Variants in SETBP1 observed in about 807,000 individuals in gnomAD.
The protein encoded by SETBP1 is SET binding protein 1.
SETBP1 carries 9 observed loss-of-function variants against 101.0 expected under a neutral mutation model. The observed-to-expected ratio is 0.09, with a 90% CI of 0.05 to 0.16. The LOEUF is 0.16. Ranked by LOEUF, SETBP1 falls within the 10% of genes least tolerant of loss-of-function variation. SETBP1 has a pLI of 1.00. For synonymous variants in SETBP1, 818 were observed against 788.5 expected (o/e 1.04, Z -0.63); for missense variants, 1,858 against 2,033.8 (o/e 0.91, Z 1.66).
Position 44,952,005 on chromosome 18 carries a change from C to A in SETBP1, c.2665C>A (p.Arg889=). Residue 889 remains arginine, a synonymous_variant, in exon 4 of 6, where the codon CGA becomes AGA. Transcript: ENST00000649279. ...CCAAGCGGAGAAGAGCTCAGAATCC[C>A]GAAGGAGGTACTCTTTTGATTTCTG... ...SDQAEKSSES[R]RRYSFDFCSL... The A allele has an allele frequency of 6.2e-7, 1 of 1,613,944 alleles. No homozygotes were observed. The highest frequency in any genetic ancestry group is 8.5e-7 in the Non-Finnish European group (1 of 1,180,004).
chr18:44,736,380 G>A (rs956299522), intron 2 of SETBP1, among the ~76,000 whole-genome samples: 13 of 152,176 alleles, frequency 8.5e-5, no homozygotes, highest in African/African-American at 3.1e-4. Context: ...GATCACGTCT[G>A]TTTACTTAAG....
At chr18:44,979,738 C>T (rs969403376) in intron 4 of SETBP1, among the ~76,000 whole-genome samples, 5 of 152,128 alleles carry the variant, frequency 3.3e-5, no homozygotes, top group Admixed American at 6.5e-5. Context: ...CTCAGAGAAA[C>T]GAAATATGGT....
intron 2 of SETBP1, among the ~76,000 whole-genome samples, chr18:44,772,176 A>G (rs1449707924): frequency 1.3e-5 from 2 of 151,794 alleles, no homozygotes; most frequent in Admixed American, 1.3e-4. Context: ...GGGCTTTTCC[A>G]AAGGTTGACT....
intron 3 of SETBP1, among the ~76,000 whole-genome samples, chr18:44,926,925 G>A (rs1255837013): frequency 1.3e-5 from 2 of 152,166 alleles, no homozygotes; most frequent in African/African-American, 4.8e-5. Flanking sequence ...ATTCAGCAAA[G>A]TGTATGGGCT....
At chr18:44,686,749 A>AACT (rs2068846902) in intron 1 of SETBP1, among the ~76,000 whole-genome samples, 2 of 152,222 alleles carry the variant, frequency 1.3e-5, no homozygotes, top group Non-Finnish European at 2.9e-5. Context: ...TGTGAATAAT[A>AACT]ACTACTTTAA....
chr18:45,040,349 CCAAA>C (rs1226925125), intron 5 of SETBP1, among the ~76,000 whole-genome samples: 1 of 152,114 alleles, frequency 6.6e-6, no homozygotes, highest in Non-Finnish European at 1.5e-5. Context: ...GGGAGGGTGT[CCAAA>C]CAAAGGGATC....
At position 45,044,556 on chromosome 18, in the gene SETBP1, G is replaced by C. The variant is rs894095124; in HGVS notation, c.4171+5901G>C. Among the ~76,000 whole-genome samples the C allele has an allele frequency of 3.9e-5, 6 of 152,238 alleles. No homozygotes were observed. The East Asian group carries it at 1.2e-3, about 29-fold the overall frequency. The stretch of plus-strand genomic sequence containing the variant: ...ATTTTCACTCTTAAAGGAGAAATAA[G>C]CTCTTTTCTGATTTAATCTGAACCT... On this transcript the variant is annotated intron_variant, in intron 5 of 5. Coordinates refer to ENST00000649279, the MANE Select transcript of SETBP1 (RefSeq NM_015559.3).
intron 4 of SETBP1, among the ~76,000 whole-genome samples, chr18:45,030,848 A>G (rs1430328570): frequency 2.2e-4 from 33 of 151,908 alleles, no homozygotes; most frequent in South Asian, 6.2e-4. Context: ...CTGTGGGATC[A>G]GTGGTGATAT....
chr18:44,742,752 C>T (rs1383221567), intron 2 of SETBP1, among the ~76,000 whole-genome samples: 1 of 152,162 alleles, frequency 6.6e-6, no homozygotes, highest in Non-Finnish European at 1.5e-5. Flanking sequence ...CTAAGTATGT[C>T]CCAGGGCCCT....
At chr18:44,885,778 G>A (rs185735134) in intron 3 of SETBP1, among the ~76,000 whole-genome samples, 153 of 145,486 alleles carry the variant, frequency 1.1e-3, no homozygotes, top group Non-Finnish European at 1.8e-3. Context: ...ACCCTGGATC[G>A]TGTGTAGACA....
chr18:45,038,953 A>G (rs1305746232), intron 5 of SETBP1, among the ~76,000 whole-genome samples: 2 of 152,222 alleles, frequency 1.3e-5, no homozygotes, highest in Non-Finnish European at 2.9e-5. Context: ...ATCAAGCCTT[A>G]GGAATTACTA....
At chr18:44,985,036 G>A (rs185415746) in intron 4 of SETBP1, among the ~76,000 whole-genome samples, 277 of 152,234 alleles carry the variant, frequency 1.8e-3, no homozygotes, top group African/African-American at 6.5e-3. Flanking sequence ...AGCTACTCGG[G>A]AGGCTGAAGC....
chr18:44,818,984 GTGTGTGTGTC>G (rs1226166941), intron 2 of SETBP1, among the ~76,000 whole-genome samples: 2 of 151,340 alleles, frequency 1.3e-5, no homozygotes, highest in Non-Finnish European at 1.5e-5. Context: ...GTGTGTGTGT[GTGTGTGTGTC>G]TGTGTGTGTG....
intron 3 of SETBP1, among the ~76,000 whole-genome samples, chr18:44,873,677 G>C (rs1490174758): frequency 2.0e-5 from 3 of 152,114 alleles, no homozygotes; most frequent in Non-Finnish European, 4.4e-5. Context: ...CCTCAGAGGA[G>C]AGCATCGTGG....
chr18:44,837,441 T>G (rs1264380861), intron 2 of SETBP1, among the ~76,000 whole-genome samples: 3 of 152,264 alleles, frequency 2.0e-5, no homozygotes, highest in Non-Finnish European at 4.4e-5. Flanking sequence ...TTAAATGCAT[T>G]AAAATAAATT....
At chr18:44,818,992 GTC>G (rs1491070096) in intron 2 of SETBP1, among the ~76,000 whole-genome samples, 1 of 151,162 alleles carries the variant, frequency 6.6e-6, no homozygotes. Context: ...GTGTGTGTGT[GTC>G]TGTGTGTGTG....
intron 3 of SETBP1, among the ~76,000 whole-genome samples, chr18:44,941,551 A>G (rs2071088827): frequency 6.6e-6 from 1 of 152,048 alleles, no homozygotes; most frequent in African/African-American, 2.4e-5. Context: ...ATATGTATAC[A>G]CTAATCTTTT....
intron 2 of SETBP1, among the ~76,000 whole-genome samples, chr18:44,844,347 A>AGG (rs1555689955): frequency 1.7e-5 from 2 of 117,392 alleles, no homozygotes; most frequent in Non-Finnish European, 3.7e-5. Flanking sequence ...ACGTGCACAC[A>AGG]CGCGCGCACA....
At chr18:44,915,681 A>C (rs1343719912) in intron 3 of SETBP1, among the ~76,000 whole-genome samples, 2 of 152,228 alleles carry the variant, frequency 1.3e-5, no homozygotes, top group African/African-American at 4.8e-5. Flanking sequence ...TTACTTGAAC[A>C]GAATGTGGTT....
Sources: gnomAD v4.1 joint callset for allele counts (sites outside exome capture counted in the v4.1 genomes callset) on GRCh38, gnomAD v4.1.1 for gene constraint, MANE v1.5 for transcripts, NCBI Gene and HGNC (gene_info 2026-07-23, HGNC 2026-07-21) for gene names.